Variants in ACVR1B observed in about 807,000 individuals in gnomAD.
ACVR1B encodes the protein activin A receptor type 1B.
A neutral mutation model predicts 55.6 loss-of-function variants in ACVR1B; 15 were observed. The observed-to-expected ratio is 0.27, with a 90% CI of 0.18 to 0.42. ACVR1B has a LOEUF of 0.42. Among genes scored for constraint, ACVR1B ranks in the 10% least tolerant of loss-of-function variants. ACVR1B has a pLI of 1.00. For synonymous variants in ACVR1B, 247 were observed against 254.6 expected (o/e 0.97, Z 0.28); for missense variants, 359 against 670.1 (o/e 0.54, Z 5.13).
chr12:51,993,860 CG>C, intron 8 of ACVR1B, 124 bp from the exon 9 acceptor site: 1 of 1,152,086 alleles, frequency 8.7e-7, no homozygotes, highest in Non-Finnish European at 1.2e-6. Context: ...GGTCGGCCGC[CG>C]GGTGGATGTG....
At chr12:51,976,684 A>G (rs1941864398) in intron 3 of ACVR1B, 109 bp downstream of exon 3, 7 of 1,396,236 alleles carry the variant, frequency 5.0e-6, no homozygotes, top group Non-Finnish European at 6.8e-6. Flanking sequence ...TTCTACCAGC[A>G]TTGAGTCATT....
chr12:51,988,035 C>T (rs1242577543), intron 7 of ACVR1B, among the ~76,000 whole-genome samples: 2 of 152,180 alleles, frequency 1.3e-5, no homozygotes, highest in African/African-American at 4.8e-5. Flanking sequence ...GACAAGTCTT[C>T]CAGCAGAACT....
intron 6 of ACVR1B, among the ~76,000 whole-genome samples, chr12:51,985,588 G>A (rs1942061134): frequency 6.6e-6 from 1 of 152,214 alleles, no homozygotes; most frequent in South Asian, 2.1e-4. Context: ...GGTGTTGGTG[G>A]TATTAAGGTC....
chr12:51,961,639 A>G (rs906683420), intron 1 of ACVR1B, among the ~76,000 whole-genome samples: 2 of 152,144 alleles, frequency 1.3e-5, no homozygotes, highest in African/African-American at 4.8e-5. Context: ...TTCTCACTCA[A>G]AACTGTGACA....
At chr12:51,978,977 A>G (rs1941923492) in intron 3 of ACVR1B, among the ~76,000 whole-genome samples, 1 of 151,846 alleles carries the variant, frequency 6.6e-6, no homozygotes, top group Non-Finnish European at 1.5e-5. Flanking sequence ...CAGCCTGACT[A>G]ACATGGTGAA....
At chr12:51,954,903 CTG>C (rs1427126757) in intron 1 of ACVR1B, among the ~76,000 whole-genome samples, 2 of 152,314 alleles carry the variant, frequency 1.3e-5, no homozygotes, top group Admixed American at 6.5e-5. Flanking sequence ...AAAACATACT[CTG>C]TGATTGATAG....
In ACVR1B at chr12:51,975,290, C is replaced by A. The variant is rs1402131185; in HGVS notation, c.117C>A (p.Cys39Ter). 2 of 1,613,370 alleles carry A rather than the reference C, an allele frequency of 1.2e-6. No individual in the cohort carries two copies. The highest frequency in any genetic ancestry group is 2.7e-5 in the African/African-American group (2 of 74,946). ...VQALLCACTS[C>*]LQANYTCETD... is the part of the protein sequence containing the mutation. ...CTCTGCTGTGTGCGTGCACCAGCTG[C>A]CTCCAGGCCAACTACACGTGTGAGA... Residue 39 changes from cysteine (C) to a stop codon, truncating the protein, a stop_gained, in exon 2 of 9, where the codon TGC (cysteine) becomes TGA (stop). Transcript: ENST00000257963. LOFTEE classifies it high-confidence loss of function.
intron 4 of ACVR1B, 92 bp downstream of exon 4, chr12:51,981,291 A>G: frequency 9.0e-7 from 1 of 1,111,634 alleles, no homozygotes; most frequent in East Asian, 2.5e-5. Context: ...TGCCTTCATC[A>G]TTGTAACCCG....
chr12:51,989,511 C>G (rs1490445943), intron 7 of ACVR1B, among the ~76,000 whole-genome samples: 3 of 152,068 alleles, frequency 2.0e-5, no homozygotes, highest in Non-Finnish European at 4.4e-5. Flanking sequence ...TCTCGAACTC[C>G]TGACCTCAGG....
At chr12:51,989,905 A>G (rs565668954) in intron 7 of ACVR1B, among the ~76,000 whole-genome samples, 1 of 152,140 alleles carries the variant, frequency 6.6e-6, no homozygotes, top group African/African-American at 2.4e-5. Context: ...GAATCACGTG[A>G]ACCAAGGAAG....
chr12:51,985,517 C>T (rs1942058884), intron 6 of ACVR1B, among the ~76,000 whole-genome samples, 169 bp downstream of exon 6: 1 of 152,242 alleles, frequency 6.6e-6, no homozygotes, highest in South Asian at 2.1e-4. Flanking sequence ...TGGAAAGTTG[C>T]ATCACTGCAT....
chr12:51,994,390 C>A lies in ACVR1B; in HGVS notation c.*280C>A. The A allele has an allele frequency of 2.7e-6, 1 of 367,562 alleles. No individual in the cohort carries two copies. 22.8% of individuals were successfully genotyped at this position (367,562 alleles called of 1,614,324 possible). A position where few individuals can be genotyped will look rare whatever the true frequency, so the allele number is the denominator to read the frequency against. ...TCGAACTGGTTGTAGTGGGAAGTCC[C>A]GCGAAACCCGGTGCATCTGGCACGT... On this transcript the variant is annotated 3_prime_UTR_variant, in exon 9 of 9. Coordinates refer to ENST00000257963, the MANE Select transcript of ACVR1B (RefSeq NM_004302.5). This position sits in a 1 kb window ranked among gnomAD's most constrained non-coding sequence, Gnocchi z 4.2.
At chr12:51,982,930 G>T (rs927055835) in intron 4 of ACVR1B, 3 of 1,005,432 alleles carry the variant, frequency 3.0e-6, no homozygotes, top group East Asian at 6.5e-5. Flanking sequence ...CTTTGGGGCT[G>T]GTTAGAGTGC....
At chr12:51,965,159 G>T (rs1020593610) in intron 1 of ACVR1B, among the ~76,000 whole-genome samples, 1 of 152,010 alleles carries the variant, frequency 6.6e-6, no homozygotes, top group African/African-American at 2.4e-5. Context: ...AATTCCTTTT[G>T]AAAAATAGTA....
chr12:51,957,243 C>T (rs952120079), intron 1 of ACVR1B, among the ~76,000 whole-genome samples: 12 of 151,720 alleles, frequency 7.9e-5, no homozygotes, highest in South Asian at 2.1e-4. Context: ...GTCAGGAGTT[C>T]GAGACCAGCC....
chr12:51,984,268 C>T, intron 5 of ACVR1B, 102 bp downstream of exon 5: 1 of 1,368,674 alleles, frequency 7.3e-7, no homozygotes, highest in Non-Finnish European at 1.0e-6. Flanking sequence ...GAAGTTGGGG[C>T]TGGACCTCAG....
intron 1 of ACVR1B, among the ~76,000 whole-genome samples, 157 bp downstream of exon 1, chr12:51,951,991 T>C (rs1217406856): frequency 6.6e-6 from 1 of 151,724 alleles, no homozygotes; most frequent in African/African-American, 2.4e-5. Context: ...CCCAGTCAGC[T>C]TCCCCGATCT....
At chr12:51,956,331 TAGG>T (rs1199481965) in intron 1 of ACVR1B, among the ~76,000 whole-genome samples, 1 of 152,256 alleles carries the variant, frequency 6.6e-6, no homozygotes, top group Non-Finnish European at 1.5e-5. Flanking sequence ...AGTTAACATA[TAGG>T]AGATTTCTTT....
intron 5 of ACVR1B, among the ~76,000 whole-genome samples, 166 bp downstream of exon 5, chr12:51,984,332 A>G (rs1177651648): frequency 1.3e-5 from 2 of 152,226 alleles, no homozygotes; most frequent in African/African-American, 4.8e-5. Context: ...TAAGTGAGGT[A>G]TCTACAGGGT....
Sources: gnomAD v4.1 joint callset for allele counts (sites outside exome capture counted in the v4.1 genomes callset) on GRCh38, gnomAD v4.1.1 for gene constraint, Gnocchi (gnomAD v3.1) non-coding constraint, MANE v1.5 for transcripts, NCBI Gene and HGNC (gene_info 2026-07-23, HGNC 2026-07-21) for gene names.